The following NOSTRIN variants were observed in gnomAD, a reference collection of about 807,000 sequenced individuals.
NOSTRIN encodes BM247 homolog.
Under a neutral mutation model 59.0 loss-of-function variants are expected in NOSTRIN, and 63 were observed. The ratio of observed to expected loss-of-function variants is 1.07; its 90% CI spans 0.87 to 1.32. The LOEUF is 1.32. Ranked by LOEUF, NOSTRIN falls within the 40% of genes most tolerant of loss-of-function variation. The pLI is 0.00. For missense variants in NOSTRIN, 512 were observed against 473.1 expected, an observed-to-expected ratio of 1.08 and a Z score of -0.76; for synonymous variants, 200 against 165.4, an observed-to-expected ratio of 1.21 and a Z score of -1.61.
In NOSTRIN at chr2:168,811,596, G is replaced by A; in HGVS notation, c.57G>A (p.Glu19=). The A allele has an allele frequency of 1.2e-6, 1 of 863,350 alleles. No homozygotes were observed. Among genetic ancestry groups the A allele is most frequent in the South Asian group, 1.3e-5 (1 of 74,174 alleles). 53.5% of individuals were successfully genotyped at this position (863,350 alleles called of 1,614,324 possible). A position where few individuals can be genotyped will look rare whatever the true frequency, so the allele number is the denominator to read the frequency against. The part of the protein sequence containing the change: ...PYNKVYKNLK[E]FSQNGENFCK... ...ATAAAGTATACAAGAACCTAAAGGA[G>A]TTTTCTCAAAATGGAGAGAATTTCT... is the stretch of plus-strand genomic sequence containing the variant. Residue 19 remains glutamate (E), a synonymous_variant, in exon 2 of 16, where the codon GAG becomes GAA. Coordinates refer to ENST00000317647, the MANE Select transcript of NOSTRIN (RefSeq NM_001039724.4).
At chr2:168,839,591 G>T (rs1687940745) in intron 7 of NOSTRIN, among the ~76,000 whole-genome samples, 1 of 152,152 alleles carries the variant, frequency 6.6e-6, no homozygotes, top group Admixed American at 6.6e-5. Context: ...TTTTAGTAAA[G>T]GTTTCTGAGA....
At chr2:168,835,958 C>T (rs546227391) in intron 7 of NOSTRIN, among the ~76,000 whole-genome samples, 11 of 152,292 alleles carry the variant, frequency 7.2e-5, no homozygotes, top group South Asian at 4.1e-4. Context: ...TTGAAATAGT[C>T]GATATCTTCT....
At chr2:168,815,742 G>A (rs1686362775) in intron 2 of NOSTRIN, among the ~76,000 whole-genome samples, 1 of 152,118 alleles carries the variant, frequency 6.6e-6, no homozygotes, top group South Asian at 2.1e-4. Flanking sequence ...GCAGTACTAG[G>A]AACATGTCTA....
chr2:168,809,147 A>T (rs541769168), intron 1 of NOSTRIN, among the ~76,000 whole-genome samples: 1 of 152,250 alleles, frequency 6.6e-6, no homozygotes. Flanking sequence ...TTACACATAA[A>T]ATAAATCCAA....
At chr2:168,809,288 T>C (rs1477003406) in intron 1 of NOSTRIN, among the ~76,000 whole-genome samples, 1 of 152,208 alleles carries the variant, frequency 6.6e-6, no homozygotes, top group Non-Finnish European at 1.5e-5. Context: ...TTGGCCTTCA[T>C]TTTCAAGTCC....
chr2:168,849,584 G>A lies in NOSTRIN; in HGVS notation c.631-1500G>A, dbSNP rs1038244937. On this transcript the variant is annotated intron_variant, in intron 8 of 15. Coordinates refer to ENST00000317647, the MANE Select transcript of NOSTRIN (RefSeq NM_001039724.4). ...TTGGGCAGGCTGGCCTTGAACTCCT[G>A]ACCTCAGGTAGTTCACCCGTCTCGG... Among the ~76,000 whole-genome samples, 21 of 147,940 alleles carry A rather than the reference G, an allele frequency of 1.4e-4. 1 individual carries two copies. Among genetic ancestry groups the A allele is most frequent in the African/African-American group, 5.3e-4 (21 of 39,762 alleles).
At chr2:168,815,663 T>A (rs1574269384) in intron 2 of NOSTRIN, among the ~76,000 whole-genome samples, 1 of 152,348 alleles carries the variant, frequency 6.6e-6, no homozygotes, top group East Asian at 1.9e-4. Flanking sequence ...TAATCTACTC[T>A]ACCATCATCC....
intron 8 of NOSTRIN, among the ~76,000 whole-genome samples, chr2:168,847,458 T>C (rs574862903): frequency 4.1e-4 from 63 of 152,314 alleles, no homozygotes; most frequent in African/African-American, 1.4e-3. Context: ...GTCTAGATAT[T>C]CTAAAGTTTG....
At chr2:168,786,962 C>G (rs1685219068) in intron 1 of NOSTRIN, 1 of 152,058 alleles carries the variant, frequency 6.6e-6, no homozygotes, top group African/African-American at 2.4e-5. Context: ...TGCCTGACCT[C>G]AAGTGATCCA....
intron 1 of NOSTRIN, among the ~76,000 whole-genome samples, chr2:168,804,903 TATG>T (rs1426050886): frequency 6.6e-6 from 1 of 152,226 alleles, no homozygotes; most frequent in Non-Finnish European, 1.5e-5. Context: ...TCAGAAATTT[TATG>T]ATAACATTAC....
At position 168,855,428 on chromosome 2, in the gene NOSTRIN, G is replaced by C; in HGVS notation, c.932G>C (p.Arg311Thr). ...LLKPKLLRLQRDIEKASKDKE... is the reference protein window; with the variant it reads ...LLKPKLLRLQTDIEKASKDKE... ...AAACCAAAATTATTGAGACTGCAGA[G>C]AGACATTGAAAAAGCCTCAAAAGAC... The change falls in exon 11 of 16, where the codon AGA becomes ACA. Residue 311 changes from arginine (R) to threonine (T), a missense_variant. By Grantham distance (71) the Arg-to-Thr change is moderately conservative. Coordinates refer to ENST00000317647, the MANE Select transcript of NOSTRIN (RefSeq NM_001039724.4). 1 of 1,610,486 alleles carries C rather than the reference G, an allele frequency of 6.2e-7. No homozygotes were observed. The highest frequency in any genetic ancestry group is 8.5e-7 in the Non-Finnish European group (1 of 1,177,382).
intron 2 of NOSTRIN, among the ~76,000 whole-genome samples, chr2:168,813,850 GC>G (rs1686273381): frequency 6.6e-6 from 1 of 152,118 alleles, no homozygotes; most frequent in African/African-American, 2.4e-5. Flanking sequence ...TGTAATAAAT[GC>G]TTTTCTGAAC....
chr2:168,830,527 C>T (rs1687301977), intron 5 of NOSTRIN, among the ~76,000 whole-genome samples: 1 of 152,178 alleles, frequency 6.6e-6, no homozygotes, highest in East Asian at 1.9e-4. Context: ...GAAAGTGTAG[C>T]ATTCGCTAGA....
chr2:168,790,853 C>A (rs533975486), intron 2 of NOSTRIN, among the ~76,000 whole-genome samples: 3 of 152,228 alleles, frequency 2.0e-5, no homozygotes, highest in African/African-American at 7.2e-5. Context: ...GAAGGAAATG[C>A]ACACTAAAAT....
chr2:168,790,213 G>T (rs1321068265), intron 2 of NOSTRIN, among the ~76,000 whole-genome samples: 5 of 152,108 alleles, frequency 3.3e-5, no homozygotes, highest in Non-Finnish European at 1.5e-5. Flanking sequence ...TGGCAACTTT[G>T]CCATAAAGAT....
At chr2:168,796,026 T>C (rs1685469457), upstream of NOSTRIN, among the ~76,000 whole-genome samples, 1 of 152,162 alleles carries the variant, frequency 6.6e-6, no homozygotes, top group African/African-American at 2.4e-5. Context: ...TGGAGAGATA[T>C]GGAAATTAAG....
At chr2:168,855,299 A>C (rs773588450) in intron 10 of NOSTRIN, 53 bp from the exon 11 acceptor site, 14 of 908,140 alleles carry the variant, frequency 1.5e-5, no homozygotes, top group Non-Finnish European at 2.4e-5. Flanking sequence ...TGGACAGGGA[A>C]TAGCAACTCT....
chr2:168,838,062 C>G (rs753068629), intron 7 of NOSTRIN, among the ~76,000 whole-genome samples: 5 of 152,184 alleles, frequency 3.3e-5, no homozygotes, highest in African/African-American at 4.8e-5. Flanking sequence ...ATAATACATA[C>G]TCAATAAGTA....
At position 168,823,307 on chromosome 2, in the gene NOSTRIN, C is replaced by T. The variant is rs117624361; in HGVS notation, c.114-1327C>T. ...CTAGGATTACAGGCGTGAGCCACCGCGCCCGGCCAGTTGCATTAGTTTTTA... is the reference window on the plus strand; with the variant it reads ...CTAGGATTACAGGCGTGAGCCACCGTGCCCGGCCAGTTGCATTAGTTTTTA... On this transcript the variant is annotated intron_variant, in intron 2 of 15. Coordinates refer to ENST00000317647, the MANE Select transcript of NOSTRIN (RefSeq NM_001039724.4). Among the ~76,000 whole-genome samples, 370 of 152,288 alleles carry T rather than the reference C, an allele frequency of 2.4e-3. 10 individuals carry two copies. In the East Asian group the frequency reaches 0.059, roughly 24 times the overall value.
Sources: allele counts gnomAD v4.1 joint callset (sites outside exome capture counted in the v4.1 genomes callset), GRCh38; gene constraint gnomAD v4.1.1; transcripts MANE v1.5; gene names NCBI Gene and HGNC (gene_info 2026-07-23, HGNC 2026-07-21).